Variants in TDRD6 observed in about 807,000 individuals in gnomAD.
The protein encoded by TDRD6 is tudor domain containing 6.
Under a neutral mutation model 157.5 loss-of-function variants are expected in TDRD6, and 186 were observed. The ratio of observed to expected loss-of-function variants is 1.18; its 90% CI spans 1.05 to 1.33. The LOEUF is 1.33. Ranked by LOEUF, TDRD6 falls within the 40% of genes most tolerant of loss-of-function variation. The probability of loss-of-function intolerance (pLI) is 0.00; values close to 1 mark genes in which losing one functional copy is unlikely to be tolerated. For missense variants in TDRD6, 3,066 were observed against 2,508.0 expected (o/e 1.22, Z -4.75); for synonymous variants, 1,075 against 945.2 (o/e 1.14, Z -2.52).
rs759940931 is a variant in TDRD6 at position 46,692,866 on chromosome 6, G to A, written c.4738G>A (p.Glu1580Lys). ...IGDPCIVRYR[E>K]DGHYYRALIT... ...AGATCCTTGTATAGTAAGATACAGA[G>A]AAGATGGACATTATTATAGGGCACT... The change falls in exon 1 of 4, where the codon GAA (glutamate) becomes AAA (lysine). Residue 1580 changes from glutamate (E) to lysine (K), a missense_variant. Transcript: ENST00000316081. The A allele has an allele frequency of 3.1e-6, 5 of 1,614,110 alleles. No individual in the cohort carries two copies. The highest frequency in any genetic ancestry group is 3.4e-6 in the Non-Finnish European group (4 of 1,179,980).
chr6:46,690,531 A>C lies in TDRD6; in HGVS notation c.2403A>C (p.Leu801=), dbSNP rs142121237. 1.4e-3 allele frequency: 2,227 copies of C among 1,614,184 alleles called. No individual in the cohort carries two copies. Among genetic ancestry groups the C allele is most frequent in the Non-Finnish European group, 1.7e-3 (1,996 of 1,180,040 alleles). ...GGAACATACAAGGACTTAAAACTCT[A>C]ATGTCTGATATTCAGTACTATTGCA... ...LTRNIQGLKT[L]MSDIQYYCKN... is the part of the protein sequence containing the mutation. The change falls in exon 1 of 4, where the codon CTA becomes CTC. Residue 801 remains leucine (L), a synonymous_variant. Transcript: ENST00000316081.
upstream of TDRD6, among the ~76,000 whole-genome samples, chr6:46,685,336 TA>T (rs1385275527): frequency 3.3e-5 from 5 of 152,144 alleles, no homozygotes; most frequent in African/African-American, 1.2e-4. Flanking sequence ...CAAAGTCAAT[TA>T]GTAGTATAGA....
chr6:46,687,873 T>C, upstream of TDRD6: 2 of 450,528 alleles, frequency 4.4e-6, no homozygotes, highest in South Asian at 4.3e-5. Context: ...CGGCGCCGAG[T>C]GAGGTAAATG....
At position 46,692,560 on chromosome 6, in the gene TDRD6, G is replaced by T; in HGVS notation, c.4432G>T (p.Ala1478Ser). ...IIADDMISRY[A>S]LSEKSQVELS... ...AGCAGATGATATGATTAGCAGGTAT[G>T]CTCTCAGTGAAAAATCTCAAGTAGA... The change falls in exon 1 of 4, where the codon GCT becomes TCT. Residue 1478 changes from alanine (A) to serine (S), a missense_variant. Transcript: ENST00000316081. 6.2e-7 allele frequency: 1 copy of T among 1,613,818 alleles called. No homozygotes were observed. The highest frequency in any genetic ancestry group is 8.5e-7 in the Non-Finnish European group (1 of 1,179,990).
At position 46,690,313 on chromosome 6, in the gene TDRD6, G is replaced by A. The variant is rs2150677990; in HGVS notation, c.2185G>A (p.Val729Ile). The change falls in exon 1 of 4, where the codon GTA becomes ATA. Residue 729 changes from valine (V) to isoleucine (I), a missense_variant. Physicochemically the swap from Val to Ile is conservative, Grantham distance 29. Coordinates refer to ENST00000316081, the MANE Select transcript of TDRD6 (RefSeq NM_001010870.3). ...AAAAGCTTTGAGTGACACAACAGTT[G>A]TAACAAATGGTTCAACTGAACTAGT... ...VSKALSDTTV[V>I]TNGSTELVVQ... 6.2e-7 allele frequency: 1 copy of A among 1,613,394 alleles called. No individual in the cohort carries two copies. The highest frequency in any genetic ancestry group is 8.5e-7 in the Non-Finnish European group (1 of 1,179,992).
chr6:46,689,078 G>C lies in TDRD6; in HGVS notation c.950G>C (p.Cys317Ser). The change falls in exon 1 of 4, where the codon TGT (cysteine) becomes TCT (serine). Residue 317 changes from cysteine (C) to serine (S), a missense_variant. Transcript: ENST00000316081. ...AGCCCAGATAAGCCGGGCTCTCCGT[G>C]TGCATCCTGTGGCCTGGATGGACAT... ...EESPDKPGSP[C>S]ASCGLDGHWY... 1.2e-6 allele frequency: 2 copies of C among 1,614,182 alleles called. No homozygotes were observed. The highest frequency in any genetic ancestry group is 2.2e-5 in the South Asian group (2 of 91,084).
In TDRD6 at chr6:46,687,893, A is replaced by C. The variant is rs1345562520; in HGVS notation, c.-236A>C. On this transcript the variant is annotated 5_prime_UTR_variant, in exon 1 of 4. Transcript: ENST00000316081. ...CCGAGTGAGGTAAATGCGTGCCCGGAAGCGCGACCTCGGGCGGTTGGAGGG... is the reference window on the plus strand; with the variant it reads ...CCGAGTGAGGTAAATGCGTGCCCGGCAGCGCGACCTCGGGCGGTTGGAGGG... 1.9e-6 allele frequency: 1 copy of C among 537,738 alleles called. No individual in the cohort carries two copies. Among genetic ancestry groups the C allele is most frequent in the Non-Finnish European group, 3.0e-6 (1 of 328,814 alleles). The allele number at this position is 537,738 out of a possible 1,614,324, so 33.3% of individuals were successfully genotyped here.
Position 46,693,255 on chromosome 6 carries a change from T to C in TDRD6, c.5127T>C (p.Tyr1709=). Residue 1709 remains tyrosine (Y), a synonymous_variant, in exon 1 of 4, where the codon TAT becomes TAC. Transcript: ENST00000316081. ...SKTGIKSALP[Y]ENIDSEIKQT... is the part of the protein sequence containing the mutation. ...CTGGTATTAAAAGTGCTCTTCCCTA[T>C]GAAAATATTGACTCAGAGATAAAGC... 6.2e-7 allele frequency: 1 copy of C among 1,613,582 alleles called. No individual in the cohort carries two copies. Among genetic ancestry groups the C allele is most frequent in the Non-Finnish European group, 8.5e-7 (1 of 1,179,880 alleles).
rs1421281037 is a variant in TDRD6 at position 46,691,162 on chromosome 6, T to A, written c.3034T>A (p.Leu1012Ile). The A allele has an allele frequency of 6.2e-7, 1 of 1,613,854 alleles. No individual in the cohort carries two copies. ...YCQLARNANI[L>I]EQLSCSITQL... is the part of the protein sequence containing the mutation. ...CCAGCTGGCAAGAAATGCAAATATT[T>A]TAGAACAGTTGTCATGTAGTATTAC... The change falls in exon 1 of 4, where the codon TTA becomes ATA. Residue 1012 changes from leucine (L) to isoleucine (I), a missense_variant. Transcript: ENST00000316081.
In TDRD6 at chr6:46,703,740, A is replaced by C. The variant is rs973138438; in HGVS notation, c.*1853A>C. 1 of 152,130 alleles carries C rather than the reference A, an allele frequency of 6.6e-6. No individual in the cohort carries two copies. The highest frequency in any genetic ancestry group is 2.4e-5 in the African/African-American group (1 of 41,446). The allele number at this position is 152,130 out of a possible 1,614,324, so 9.4% of individuals were successfully genotyped here. On this transcript the variant is annotated 3_prime_UTR_variant, in exon 4 of 4. Transcript: ENST00000316081. ...AGAATTGAAAACATTAAATAAAATT[A>C]ACTGGAATATGAAGAAGCTAAATGT...
In TDRD6 at chr6:46,689,379, T is replaced by A. The variant is rs748826638; in HGVS notation, c.1251T>A (p.His417Gln). 21 of 1,613,840 alleles carry A rather than the reference T, an allele frequency of 1.3e-5. No homozygotes were observed. Among genetic ancestry groups the A allele is most frequent in the Non-Finnish European group, 1.6e-5 (19 of 1,180,026 alleles). Residue 417 changes from histidine to glutamine, a missense_variant, in exon 1 of 4, where the codon CAT becomes CAA. Coordinates refer to ENST00000316081, the MANE Select transcript of TDRD6 (RefSeq NM_001010870.3). ...TTGAATTTTATTGCTCCTTTGAGCA[T>A]GTGTATTATGTCAGCCTGTATGGAG... The part of the protein sequence containing the change: ...AKIEFYCSFE[H>Q]VYYVSLYGED...
chr6:46,688,917 C>T lies in TDRD6; in HGVS notation c.789C>T (p.His263=), dbSNP rs769005935. 5.6e-6 allele frequency: 9 copies of T among 1,608,438 alleles called. No individual in the cohort carries two copies. Among genetic ancestry groups the T allele is most frequent in the Admixed American group, 1.7e-5 (1 of 59,750 alleles). The change falls in exon 1 of 4, where the codon CAC becomes CAT. Residue 263 remains histidine, a synonymous_variant. Coordinates refer to ENST00000316081, the MANE Select transcript of TDRD6 (RefSeq NM_001010870.3). ...TCATAACCCAAGTGTGCCATCCCCACCGCATTCACTGCCAGCTCCGCAGCG... is the reference window on the plus strand; with the variant it reads ...TCATAACCCAAGTGTGCCATCCCCATCGCATTCACTGCCAGCTCCGCAGCG... ...AVVITQVCHP[H]RIHCQLRSVS...
chr6:46,682,740 TA>T, the TDRD6 span, among the ~76,000 whole-genome samples: 1 of 151,852 alleles, frequency 6.6e-6, no homozygotes, highest in Non-Finnish European at 1.5e-5. Flanking sequence ...TACAATAGCA[TA>T]AAAACATTAA....
At chr6:46,697,680 A>G (rs1764530513) in intron 2 of TDRD6, among the ~76,000 whole-genome samples, 1 of 133,368 alleles carries the variant, frequency 7.5e-6, no homozygotes, top group Non-Finnish European at 1.7e-5. Context: ...TGAGCCAAGG[A>G]GTTTGAGACC....
In TDRD6 at chr6:46,688,155, G is replaced by A. The variant is rs1474996375; in HGVS notation, c.27G>A (p.Ala9=). The A allele has an allele frequency of 6.5e-7, 1 of 1,544,548 alleles. No individual in the cohort carries two copies. Among genetic ancestry groups the A allele is most frequent in the East Asian group, 2.4e-5 (1 of 41,486 alleles). The part of the protein sequence containing the change: MCSTPGMP[A]PGASLALRVS... ...TGTGCTCGACGCCCGGAATGCCGGC[G>A]CCGGGGGCCTCGCTGGCCCTGCGGG... Residue 9 remains alanine (A), a synonymous_variant, in exon 1 of 4, where the codon GCG becomes GCA. Coordinates refer to ENST00000316081, the MANE Select transcript of TDRD6 (RefSeq NM_001010870.3).
chr6:46,692,973 A>C lies in TDRD6; in HGVS notation c.4845A>C (p.Lys1615Asn), dbSNP rs564919890. 2.5e-6 allele frequency: 4 copies of C among 1,612,972 alleles called. No homozygotes were observed. The East Asian group carries it at 8.9e-5, about 36-fold the overall frequency. Reference protein sequence around the residue: ...FGNIEDCVDPKALWAIPSELL... With the variant: ...FGNIEDCVDPNALWAIPSELL... ...ACATTGAAGACTGTGTGGACCCAAA[A>C]GCACTCTGGGCCATTCCTTCTGAAC... is the stretch of plus-strand genomic sequence containing the variant. Residue 1615 changes from lysine (K) to asparagine (N), a missense_variant, in exon 1 of 4, where the codon AAA becomes AAC. Coordinates refer to ENST00000316081, the MANE Select transcript of TDRD6 (RefSeq NM_001010870.3).
chr6:46,689,054 G>T lies in TDRD6; in HGVS notation c.926G>T (p.Ser309Ile). 6.2e-7 allele frequency: 1 copy of T among 1,614,020 alleles called. No individual in the cohort carries two copies. Residue 309 changes from serine to isoleucine, a missense_variant, in exon 1 of 4, where the codon AGC becomes ATC. Ser to Ile is a moderately radical substitution (Grantham distance 142). Coordinates refer to ENST00000316081, the MANE Select transcript of TDRD6 (RefSeq NM_001010870.3). ...TSATWEEREE[S>I]PDKPGSPCAS... Reference sequence around the variant, plus strand: ...GCCACCTGGGAGGAGAGGGAGGAGAGCCCAGATAAGCCGGGCTCTCCGTGT... The same window carrying T: ...GCCACCTGGGAGGAGAGGGAGGAGATCCCAGATAAGCCGGGCTCTCCGTGT...
intron 3 of TDRD6, among the ~76,000 whole-genome samples, chr6:46,701,637 T>C (rs1039528730): frequency 6.6e-6 from 1 of 152,164 alleles, no homozygotes; most frequent in Non-Finnish European, 1.5e-5. Flanking sequence ...TTCATAATTT[T>C]TAGAGAAACT....
In TDRD6 at chr6:46,690,608, G is replaced by A. The variant is rs1181898264; in HGVS notation, c.2480G>A (p.Arg827Gln). Residue 827 changes from arginine (R) to glutamine (Q), a missense_variant, in exon 1 of 4, where the codon CGA becomes CAA. Arg to Gln is a conservative substitution (Grantham distance 43). Coordinates refer to ENST00000316081, the MANE Select transcript of TDRD6 (RefSeq NM_001010870.3). Reference protein sequence around the residue: ...QRNTLACLAKRTVNRQWSRAL... With the variant: ...QRNTLACLAKQTVNRQWSRAL... The stretch of plus-strand genomic sequence containing the variant: ...AACACCCTTGCTTGTTTGGCTAAGC[G>A]AACAGTAAACAGACAGTGGTCCAGA... The A allele has an allele frequency of 7.4e-6, 12 of 1,614,036 alleles. No homozygotes were observed. Among genetic ancestry groups the A allele is most frequent in the East Asian group, 2.2e-5 (1 of 44,892 alleles).
Sources: gnomAD v4.1 joint callset for allele counts (sites outside exome capture counted in the v4.1 genomes callset) on GRCh38, gnomAD v4.1.1 for gene constraint, MANE v1.5 for transcripts, NCBI Gene and HGNC (gene_info 2026-07-23, HGNC 2026-07-21) for gene names.